NTSR1: variants seen among roughly 807,000 people sequenced by gnomAD.
The protein encoded by NTSR1 is neurotensin receptor 1.
In NTSR1, 29 loss-of-function variants were observed where a neutral mutation model predicts 31.2. The observed-to-expected ratio is 0.93, with a 90% confidence interval of 0.69 to 1.27. The LOEUF (loss-of-function observed/expected upper bound fraction) is 1.27, where lower values mean the gene tolerates loss of function less well. NTSR1 is among the 50% of genes most tolerant of loss of function. The probability of loss-of-function intolerance (pLI) is 0.00; values close to 1 mark genes in which losing one functional copy is unlikely to be tolerated. For synonymous variants in NTSR1, 282 were observed against 269.9 expected, an observed-to-expected ratio of 1.04 and a Z score of -0.44; for missense variants, 697 against 595.4, an observed-to-expected ratio of 1.17 and a Z score of -1.78.
chr20:62,739,546 C>T (rs1453106662), intron 1 of NTSR1, among the ~76,000 whole-genome samples: 2 of 152,196 alleles, frequency 1.3e-5, no homozygotes, highest in Non-Finnish European at 2.9e-5. Context: ...TGTGAGGGGC[C>T]GCCCCCGGCC....
chr20:62,709,271 G>T lies in NTSR1; in HGVS notation c.64G>T (p.Ala22Ser). 6.4e-7 allele frequency: 1 copy of T among 1,563,942 alleles called. No individual in the cohort carries two copies. The highest frequency in any genetic ancestry group is 2.4e-5 in the East Asian group (1 of 41,864). ...GCCGGCCGCCGACCCCTTCCAGCGGGCGCAGGCCGGACTGGAGGAGGCGCT... is the reference window on the plus strand; with the variant it reads ...GCCGGCCGCCGACCCCTTCCAGCGGTCGCAGGCCGGACTGGAGGAGGCGCT... Reference protein sequence around the residue: ...GTPAADPFQRAQAGLEEALLA... With the variant: ...GTPAADPFQRSQAGLEEALLA... The change falls in exon 1 of 4, where the codon GCG becomes TCG. Residue 22 changes from alanine (A) to serine (S), a missense_variant. Physicochemically the swap from Ala to Ser is moderately conservative, Grantham distance 99. Transcript: ENST00000370501.
chr20:62,722,633 G>T (rs564268929), intron 1 of NTSR1, among the ~76,000 whole-genome samples: 2 of 152,292 alleles, frequency 1.3e-5, no homozygotes, highest in South Asian at 2.1e-4. Context: ...GTAACGTTCT[G>T]CCCGGACCTC....
Position 62,744,674 on chromosome 20 carries a change from C to G in NTSR1, c.715-10011C>G, listed in dbSNP as rs544297004. On this transcript the variant is annotated intron_variant, in intron 1 of 3. Transcript: ENST00000370501. The surrounding 1 kb of genome is among the most constrained non-coding windows in gnomAD (Gnocchi z 4.1). ...CCTGGGAGACGGAGGTTGTGATAAG[C>G]AGAAATCGCGCCACTGCACTCCAGC... 1.3e-5 allele frequency among the ~76,000 whole-genome samples: 2 copies of G among 152,146 alleles called. No homozygotes were observed. The highest frequency in any genetic ancestry group is 4.8e-5 in the African/African-American group (2 of 41,478).
intron 1 of NTSR1, among the ~76,000 whole-genome samples, chr20:62,723,864 C>T (rs1319471777): frequency 2.6e-5 from 4 of 152,230 alleles, no homozygotes; most frequent in Non-Finnish European, 5.9e-5. Flanking sequence ...TGCTTTGAAG[C>T]TGGCTTCAGG....
At chr20:62,735,623 CAG>C (rs1284353329) in intron 1 of NTSR1, among the ~76,000 whole-genome samples, 3 of 152,238 alleles carry the variant, frequency 2.0e-5, no homozygotes, top group African/African-American at 7.2e-5. Flanking sequence ...GCCCCAGGAA[CAG>C]CCTCCCCGCA....
At chr20:62,710,037 C>T (rs1988577365) in intron 1 of NTSR1, 116 bp downstream of exon 1, 2 of 948,672 alleles carry the variant, frequency 2.1e-6, no homozygotes, top group Non-Finnish European at 1.5e-6. Context: ...TCTACTCCTG[C>T]GAGGCTGGGA....
intron 1 of NTSR1, among the ~76,000 whole-genome samples, chr20:62,728,332 T>C (rs1451200776): frequency 6.6e-6 from 1 of 152,130 alleles, no homozygotes; most frequent in Admixed American, 6.5e-5. Flanking sequence ...TGAAGCCCTG[T>C]TTCCCCATCC....
intron 1 of NTSR1, among the ~76,000 whole-genome samples, chr20:62,750,950 A>C (rs1989384778): frequency 6.6e-6 from 1 of 152,172 alleles, no homozygotes; most frequent in South Asian, 2.1e-4. Context: ...GTCATAGCTC[A>C]CTGTAGCCTC....
chr20:62,730,486 T>C (rs1355170412), intron 1 of NTSR1, among the ~76,000 whole-genome samples: 5 of 152,232 alleles, frequency 3.3e-5, no homozygotes, highest in Non-Finnish European at 7.3e-5. Context: ...CCAGCTTGTT[T>C]ATTCACTCAG....
chr20:62,753,822 A>G (rs1047277315), intron 1 of NTSR1, among the ~76,000 whole-genome samples: 7 of 152,250 alleles, frequency 4.6e-5, no homozygotes, highest in African/African-American at 1.7e-4. Flanking sequence ...GTCCGCAGAC[A>G]TGTCCCCTTC....
In NTSR1 at chr20:62,729,242, G is replaced by A. The variant is rs529574896; in HGVS notation, c.714+19321G>A. ...CCACTCCTCCCAACTTGGGGGCTCC[G>A]GGAGGAGGGCAGGGTGGGGAGAGAG... On this transcript the variant is annotated intron_variant, in intron 1 of 3. Coordinates refer to ENST00000370501, the MANE Select transcript of NTSR1 (RefSeq NM_002531.3). 1.5e-4 allele frequency among the ~76,000 whole-genome samples: 23 copies of A among 152,352 alleles called. 1 individual carries two copies. The South Asian group carries it at 3.7e-3, about 25-fold the overall frequency.
chr20:62,759,901 T>C, intron 3 of NTSR1, 117 bp from the exon 4 acceptor site: 1 of 916,256 alleles, frequency 1.1e-6, no homozygotes, highest in Non-Finnish European at 1.7e-6. Context: ...TCTCAAGGGG[T>C]GTTTTAATTA....
Position 62,733,518 on chromosome 20 carries a change from C to T in NTSR1, c.715-21167C>T, listed in dbSNP as rs1447298538. 1.3e-5 allele frequency among the ~76,000 whole-genome samples: 2 copies of T among 152,104 alleles called. No homozygotes were observed. The highest frequency in any genetic ancestry group is 2.4e-5 in the African/African-American group (1 of 41,396). On this transcript the variant is annotated intron_variant, in intron 1 of 3. Transcript: ENST00000370501. This position sits in a 1 kb window ranked among gnomAD's most constrained non-coding sequence, Gnocchi z 5.2. The stretch of plus-strand genomic sequence containing the variant: ...AGGTTCTAGAAAGTTCTGGAAAGCT[C>T]GGCTGTGGCTGACTCCTGGCTTAGG...
At chr20:62,739,817 T>C (rs1989170118) in intron 1 of NTSR1, among the ~76,000 whole-genome samples, 1 of 152,178 alleles carries the variant, frequency 6.6e-6, no homozygotes, top group Non-Finnish European at 1.5e-5. Context: ...GGGCTGGAGG[T>C]GCAGCGGCCG....
Position 62,709,075 on chromosome 20 carries a change from C to A in NTSR1, c.-133C>A. On this transcript the variant is annotated 5_prime_UTR_variant, in exon 1 of 4. Transcript: ENST00000370501. Reference sequence around the variant, plus strand: ...GGTCTGGCGCTTCCCGACTGGACGGCGCGCCCGCTGGTCTTCGCCACGCGC... The same window carrying A: ...GGTCTGGCGCTTCCCGACTGGACGGAGCGCCCGCTGGTCTTCGCCACGCGC... The A allele has an allele frequency of 1.4e-6, 1 of 694,546 alleles. No individual in the cohort carries two copies. Among genetic ancestry groups the A allele is most frequent in the Non-Finnish European group, 2.1e-6 (1 of 468,914 alleles). 43.0% of individuals were successfully genotyped at this position (694,546 alleles called of 1,614,324 possible). A position where few individuals can be genotyped will look rare whatever the true frequency, so the allele number is the denominator to read the frequency against.
At chr20:62,757,059 G>T (rs990617488) in intron 2 of NTSR1, among the ~76,000 whole-genome samples, 2 of 152,146 alleles carry the variant, frequency 1.3e-5, no homozygotes, top group Non-Finnish European at 2.9e-5. Flanking sequence ...GGCATCCTTT[G>T]ATACACAGAA....
chr20:62,759,079 G>A (rs1600739549), intron 3 of NTSR1, among the ~76,000 whole-genome samples: 1 of 152,204 alleles, frequency 6.6e-6, no homozygotes, highest in Admixed American at 6.5e-5. Flanking sequence ...GCAGCTTGGG[G>A]CCCACTTGTG....
At chr20:62,734,139 A>G (rs1283442476) in intron 1 of NTSR1, among the ~76,000 whole-genome samples, 1 of 152,022 alleles carries the variant, frequency 6.6e-6, no homozygotes, top group Non-Finnish European at 1.5e-5. Flanking sequence ...TCCCCTGCGC[A>G]GCCTCCTTCT....
At position 62,709,656 on chromosome 20, in the gene NTSR1, C is replaced by A. The variant is rs373801036; in HGVS notation, c.449C>A (p.Ala150Asp). The A allele has an allele frequency of 1.9e-6, 3 of 1,612,684 alleles. No individual in the cohort carries two copies. The South Asian group carries it at 3.3e-5, about 18-fold the overall frequency. Residue 150 changes from alanine (A) to aspartate (D), a missense_variant, in exon 1 of 4, where the codon GCC becomes GAC. Transcript: ENST00000370501. The part of the protein sequence containing the change: ...GCRGYYFLRD[A>D]CTYATALNVA... ...CGCGGCTACTACTTCCTGCGCGACGCCTGCACCTACGCCACGGCCCTCAAC... is the reference window on the plus strand; with the variant it reads ...CGCGGCTACTACTTCCTGCGCGACGACTGCACCTACGCCACGGCCCTCAAC...
Sources: allele counts gnomAD v4.1 joint callset (sites outside exome capture counted in the v4.1 genomes callset), GRCh38; gene constraint gnomAD v4.1.1; non-coding constraint Gnocchi (gnomAD v3.1); transcripts MANE v1.5; gene names NCBI Gene and HGNC (gene_info 2026-07-23, HGNC 2026-07-21).